The following RBFOX1 variants were observed in gnomAD, a reference collection of about 807,000 sequenced individuals.
RBFOX1 encodes RNA binding fox-1 homolog 1.
Under a neutral mutation model 57.7 loss-of-function variants are expected in RBFOX1, and 8 were observed. The observed-to-expected ratio is 0.14, with a 90% CI of 0.08 to 0.25. The LOEUF is 0.25. Ranked by LOEUF, RBFOX1 falls within the 10% of genes least tolerant of loss-of-function variation. RBFOX1 has a pLI of 1.00. For synonymous variants in RBFOX1, 326 were observed against 222.4 expected (o/e 1.47, Z -4.15); for missense variants, 611 against 548.5 (o/e 1.11, Z -1.14).
At chr16:5,917,543 G>A (rs551299494) in intron 4 of RBFOX1, among the ~76,000 whole-genome samples, 7 of 152,342 alleles carry the variant, frequency 4.6e-5, no homozygotes, top group African/African-American at 1.7e-4. Context: ...GACACCACCT[G>A]TGGGAGCCAC....
intron 14 of RBFOX1, among the ~76,000 whole-genome samples, chr16:7,692,324 C>A (rs1409390590): frequency 6.6e-6 from 1 of 152,098 alleles, no homozygotes; most frequent in Non-Finnish European, 1.5e-5. Context: ...AATGGCAGCT[C>A]TATTTATATT....
chr16:6,122,378 A>G (rs1449741183), intron 1 of RBFOX1, among the ~76,000 whole-genome samples: 1 of 151,916 alleles, frequency 6.6e-6, no homozygotes, highest in African/African-American at 2.4e-5. Flanking sequence ...ACACACACAC[A>G]CACACACACA....
chr16:7,147,734 GT>G (rs2075309507), intron 4 of RBFOX1, among the ~76,000 whole-genome samples: 1 of 152,120 alleles, frequency 6.6e-6, no homozygotes, highest in South Asian at 2.1e-4. Flanking sequence ...GGGTATCTAG[GT>G]TAATTTCATG....
At chr16:6,467,905 CTG>C (rs967157542) in intron 2 of RBFOX1, among the ~76,000 whole-genome samples, 19 of 152,276 alleles carry the variant, frequency 1.2e-4, no homozygotes, top group Middle Eastern at 3.4e-3. Flanking sequence ...TTTGTTGAAA[CTG>C]TAGAATATGG....
At chr16:7,692,889 A>ATT (rs35856288) in intron 14 of RBFOX1, among the ~76,000 whole-genome samples, 236 of 150,528 alleles carry the variant, frequency 1.6e-3, no homozygotes, top group East Asian at 9.9e-3. Context: ...ACTTTTTCTT[A>ATT]TTTTTTTTTG....
At chr16:6,814,336 C>G (rs1332741908) in intron 3 of RBFOX1, among the ~76,000 whole-genome samples, 4 of 152,116 alleles carry the variant, frequency 2.6e-5, no homozygotes, top group Non-Finnish European at 4.4e-5. Context: ...TAAGACATAG[C>G]TCCTGATCAT....
chr16:5,963,262 C>T (rs2059785279), intron 4 of RBFOX1, among the ~76,000 whole-genome samples: 1 of 152,166 alleles, frequency 6.6e-6, no homozygotes, highest in African/African-American at 2.4e-5. Context: ...TGCTCCATTA[C>T]ATGACCATTG....
intron 4 of RBFOX1, among the ~76,000 whole-genome samples, chr16:7,247,998 T>G (rs1439427556): frequency 2.0e-5 from 3 of 152,014 alleles, no homozygotes; most frequent in Non-Finnish European, 4.4e-5. Flanking sequence ...TGACACAAGT[T>G]TACCCAAATA....
chr16:5,648,901 TA>T (rs2049138215), intron 3 of RBFOX1, among the ~76,000 whole-genome samples: 1 of 151,856 alleles, frequency 6.6e-6, no homozygotes, highest in Admixed American at 6.6e-5. Flanking sequence ...CCATGTCTAC[TA>T]AAAATACAAA....
At chr16:5,562,273 G>A (rs993519383) in intron 2 of RBFOX1, among the ~76,000 whole-genome samples, 1 of 152,210 alleles carries the variant, frequency 6.6e-6, no homozygotes, top group African/African-American at 2.4e-5. Flanking sequence ...ATGTCAAGTA[G>A]GACCCAGAGC....
At chr16:5,843,298 A>G (rs1422166650) in intron 3 of RBFOX1, among the ~76,000 whole-genome samples, 1 of 151,926 alleles carries the variant, frequency 6.6e-6, no homozygotes, top group Non-Finnish European at 1.5e-5. Context: ...CCTACCCTTC[A>G]CCCTTAAGTA....
chr16:6,772,642 T>G (rs1292968472), intron 3 of RBFOX1, among the ~76,000 whole-genome samples: 1 of 139,660 alleles, frequency 7.2e-6, no homozygotes, highest in Admixed American at 7.1e-5. Context: ...TGGGGTGCAT[T>G]TGTGTGTGTG....
chr16:6,434,181 A>C (rs1393355897), intron 2 of RBFOX1, among the ~76,000 whole-genome samples: 1 of 152,040 alleles, frequency 6.6e-6, no homozygotes, highest in African/African-American at 2.4e-5. Context: ...CATAAGACAC[A>C]CCTGGGTTAT....
intron 3 of RBFOX1, among the ~76,000 whole-genome samples, chr16:5,695,779 T>A (rs1438154918): frequency 6.6e-6 from 1 of 152,198 alleles, no homozygotes; most frequent in Non-Finnish European, 1.5e-5. Flanking sequence ...TAGTTTTGTA[T>A]ACTGAACATT....
chr16:6,128,430 A>G (rs2096605624), intron 1 of RBFOX1, among the ~76,000 whole-genome samples: 1 of 152,202 alleles, frequency 6.6e-6, no homozygotes, highest in Non-Finnish European at 1.5e-5. Flanking sequence ...CTTTTTAAGC[A>G]TTGATCAAAA....
chr16:7,025,706 G>A (rs769889371), intron 3 of RBFOX1, among the ~76,000 whole-genome samples: 1 of 151,826 alleles, frequency 6.6e-6, no homozygotes, highest in Non-Finnish European at 1.5e-5. Context: ...GGAGCCTGCC[G>A]CACTGCCAGT....
At chr16:6,827,911 A>G (rs2092349781) in intron 3 of RBFOX1, among the ~76,000 whole-genome samples, 1 of 152,228 alleles carries the variant, frequency 6.6e-6, no homozygotes, top group South Asian at 2.1e-4. Context: ...AGTAATTTGC[A>G]TACATTTGTA....
chr16:7,029,311 T>C (rs1169213027), intron 3 of RBFOX1, among the ~76,000 whole-genome samples: 1 of 146,798 alleles, frequency 6.8e-6, no homozygotes, highest in Non-Finnish European at 1.5e-5. Flanking sequence ...TATATGTATA[T>C]ATATATAAAA....
intron 1 of RBFOX1, among the ~76,000 whole-genome samples, chr16:5,319,370 T>A (rs6500679): frequency 6.6e-6 from 1 of 152,126 alleles, no homozygotes; most frequent in African/African-American, 2.4e-5. Flanking sequence ...AATTTGTCTT[T>A]GGTTCACAGC....
Sources: allele counts gnomAD v4.1 joint callset (sites outside exome capture counted in the v4.1 genomes callset), GRCh38; gene constraint gnomAD v4.1.1; transcripts MANE v1.5; gene names NCBI Gene and HGNC (gene_info 2026-07-23, HGNC 2026-07-21).